PLEKHA7: variants seen among roughly 807,000 people sequenced by gnomAD.
PLEKHA7 encodes pleckstrin homology domain-containing family A member 7.
Under a neutral mutation model 170.0 loss-of-function variants are expected in PLEKHA7, and 104 were observed. The observed-to-expected ratio is 0.61, with a 90% CI of 0.52 to 0.72. The LOEUF is 0.72. Among genes scored for constraint, PLEKHA7 ranks in the 30% least tolerant of loss-of-function variants. PLEKHA7 has a pLI of 0.00. For synonymous variants in PLEKHA7, 648 were observed against 660.8 expected (o/e 0.98, Z 0.30); for missense variants, 1,615 against 1,671.7 (o/e 0.97, Z 0.59).
chr11:16,939,418 A>T (rs1860527525), intron 3 of PLEKHA7, among the ~76,000 whole-genome samples: 1 of 151,532 alleles, frequency 6.6e-6, no homozygotes, highest in Non-Finnish European at 1.5e-5. Flanking sequence ...TGTTATCTAA[A>T]GAAAAAAAAT....
At chr11:16,844,252 C>T (rs2135309174) in intron 8 of PLEKHA7, among the ~76,000 whole-genome samples, 1 of 152,304 alleles carries the variant, frequency 6.6e-6, no homozygotes, top group South Asian at 2.1e-4. Context: ...GTTTGCATGT[C>T]TATTTGCGAA....
chr11:16,957,366 G>A (rs1490322219), intron 3 of PLEKHA7, among the ~76,000 whole-genome samples: 2 of 152,216 alleles, frequency 1.3e-5, no homozygotes, highest in African/African-American at 4.8e-5. Flanking sequence ...AAGACCTCAT[G>A]CTGAAGACCC....
At chr11:16,993,660 C>T (rs575476093) in intron 3 of PLEKHA7, among the ~76,000 whole-genome samples, 61 of 152,318 alleles carry the variant, frequency 4.0e-4, no homozygotes, top group African/African-American at 1.3e-3. Context: ...TCAAATGGTT[C>T]CACTTGACAT....
At chr11:16,938,592 T>A (rs763436596) in intron 3 of PLEKHA7, among the ~76,000 whole-genome samples, 1 of 152,150 alleles carries the variant, frequency 6.6e-6, no homozygotes, top group African/African-American at 2.4e-5. Context: ...GATATATACA[T>A]AAAAATCCTT....
intron 3 of PLEKHA7, among the ~76,000 whole-genome samples, chr11:16,879,431 C>T (rs1855546016): frequency 6.6e-6 from 1 of 152,172 alleles, no homozygotes; most frequent in Non-Finnish European, 1.5e-5. Context: ...CATCACAGAG[C>T]CCTCAAAGAT....
At chr11:16,989,437 A>G (rs1396861415) in intron 3 of PLEKHA7, among the ~76,000 whole-genome samples, 1 of 152,234 alleles carries the variant, frequency 6.6e-6, no homozygotes, top group Non-Finnish European at 1.5e-5. Flanking sequence ...GAGCTAAGGT[A>G]TATAACTACT....
chr11:16,830,735 A>T (rs931955225), intron 9 of PLEKHA7, among the ~76,000 whole-genome samples: 2 of 152,240 alleles, frequency 1.3e-5, no homozygotes, highest in African/African-American at 2.4e-5. Flanking sequence ...TGGGACAGGC[A>T]CCTGGGACTA....
chr11:16,960,759 C>T (rs1862010390), intron 3 of PLEKHA7, among the ~76,000 whole-genome samples: 1 of 152,170 alleles, frequency 6.6e-6, no homozygotes. Flanking sequence ...TGTGTAACAG[C>T]TACACCCCAT....
intron 3 of PLEKHA7, among the ~76,000 whole-genome samples, chr11:16,887,592 C>T (rs1033286473): frequency 5.3e-5 from 8 of 151,782 alleles, no homozygotes; most frequent in African/African-American, 1.5e-4. Flanking sequence ...GACGGGGTTT[C>T]GCTGTGTTGG....
intron 3 of PLEKHA7, among the ~76,000 whole-genome samples, chr11:16,885,522 G>C (rs961942695): frequency 6.6e-5 from 10 of 151,282 alleles, no homozygotes; most frequent in African/African-American, 2.4e-4. Context: ...ATATTAGCTG[G>C]GAGTGGTGGC....
At chr11:16,989,388 G>A (rs559850523) in intron 3 of PLEKHA7, among the ~76,000 whole-genome samples, 2 of 152,288 alleles carry the variant, frequency 1.3e-5, no homozygotes, top group South Asian at 4.1e-4. Flanking sequence ...ACAAAATGGA[G>A]AAAATTTTTA....
chr11:17,013,502 C>T (rs538079717), intron 3 of PLEKHA7, among the ~76,000 whole-genome samples: 48 of 152,304 alleles, frequency 3.2e-4, no homozygotes, highest in Admixed American at 1.0e-3. Context: ...CCAAGACCAT[C>T]CCAGAGCCTG....
intron 3 of PLEKHA7, among the ~76,000 whole-genome samples, chr11:16,898,549 GAAGC>G (rs1156930727): frequency 1.3e-5 from 2 of 152,174 alleles, no homozygotes; most frequent in Non-Finnish European, 2.9e-5. Flanking sequence ...ATTTCAAGAA[GAAGC>G]AAGGCTGAAT....
intron 3 of PLEKHA7, among the ~76,000 whole-genome samples, chr11:16,936,428 C>CAAAAAAAAA (rs1554976429): frequency 4.5e-5 from 3 of 66,638 alleles, no homozygotes; most frequent in Non-Finnish European, 1.1e-4. Context: ...AAAAAAAAAT[C>CAAAAAAAAA]AGGTCTCTAT....
chr11:16,789,151 G>A lies in PLEKHA7; in HGVS notation c.3302C>T (p.Thr1101Met), dbSNP rs141880623. The A allele has an allele frequency of 2.7e-5, 44 of 1,610,900 alleles. No individual in the cohort carries two copies. The highest frequency in any genetic ancestry group is 3.3e-4 in the Middle Eastern group (2 of 6,050). The part of the protein sequence containing the change: ...RKRTLGQGER[T>M]GLPSSRYLSR... ...GAGGTAGCGAGATGAGGGCAGGCCC[G>A]TCCTCTCCCCTTGGCCCAGTGTCCT... Residue 1101 changes from threonine (T) to methionine (M), a missense_variant, in exon 23 of 27, where the codon ACG (threonine) becomes ATG (methionine). Physicochemically the swap from Thr to Met is moderately conservative, Grantham distance 81. Coordinates refer to ENST00000531066, the MANE Select transcript of PLEKHA7 (RefSeq NM_001329630.2). This position sits in a 1 kb window ranked among gnomAD's most constrained non-coding sequence, Gnocchi z 4.6.
chr11:16,905,263 A>T (rs1857581775), intron 3 of PLEKHA7, among the ~76,000 whole-genome samples: 2 of 152,198 alleles, frequency 1.3e-5, no homozygotes, highest in African/African-American at 4.8e-5. Flanking sequence ...TCAAATTTTA[A>T]AAATAAATTA....
chr11:17,009,521 A>G (rs903770177), intron 3 of PLEKHA7, among the ~76,000 whole-genome samples: 7 of 152,214 alleles, frequency 4.6e-5, no homozygotes, highest in Non-Finnish European at 1.0e-4. Context: ...TACTACTATT[A>G]TTGCTACTTC....
At chr11:16,802,921 G>T in intron 15 of PLEKHA7, 51 bp downstream of exon 15, 1 of 1,434,634 alleles carries the variant, frequency 7.0e-7, no homozygotes, top group Non-Finnish European at 9.8e-7. Context: ...AAGAAAGACA[G>T]GACAAAATGT....
chr11:16,794,373 G>A, intron 19 of PLEKHA7, 115 bp downstream of exon 19: 2 of 1,006,536 alleles, frequency 2.0e-6, no homozygotes, highest in Non-Finnish European at 3.1e-6. Flanking sequence ...GACTCCTTTA[G>A]GACGCTGGCT....
Sources: allele counts gnomAD v4.1 joint callset (sites outside exome capture counted in the v4.1 genomes callset), GRCh38; gene constraint gnomAD v4.1.1; non-coding constraint Gnocchi (gnomAD v3.1); transcripts MANE v1.5; gene names NCBI Gene and HGNC (gene_info 2026-07-23, HGNC 2026-07-21).